Variants in TANC2 observed in about 807,000 individuals in gnomAD.
The protein encoded by TANC2 is tetratricopeptide repeat, ankyrin repeat and coiled-coil containing 2.
TANC2 carries 26 observed loss-of-function variants against 210.5 expected under a neutral mutation model. The observed-to-expected ratio is 0.12, with a 90% confidence interval of 0.09 to 0.17. TANC2 has a LOEUF of 0.17. TANC2 is among the 10% of genes least tolerant of loss of function. The pLI, the probability that TANC2 is intolerant of heterozygous loss-of-function variation, is 1.00. For synonymous variants in TANC2, 931 were observed against 967.1 expected (o/e 0.96, Z 0.69); for missense variants, 2,129 against 2,608.9 (o/e 0.82, Z 4.01).
At chr17:63,119,110 A>G (rs915385445) in intron 4 of TANC2, among the ~76,000 whole-genome samples, 2 of 152,024 alleles carry the variant, frequency 1.3e-5, no homozygotes, top group Non-Finnish European at 2.9e-5. Flanking sequence ...AAACATTTTT[A>G]TAGAGATGAA....
intron 8 of TANC2, among the ~76,000 whole-genome samples, chr17:63,247,154 CTTG>C (rs933447273): frequency 8.5e-5 from 13 of 152,106 alleles, no homozygotes; most frequent in African/African-American, 2.2e-4. Context: ...TTTGTACGAA[CTTG>C]TTGTATATTC....
intron 26 of TANC2, among the ~76,000 whole-genome samples, chr17:63,417,265 C>G (rs976924299): frequency 2.6e-5 from 4 of 152,074 alleles, no homozygotes; most frequent in Admixed American, 2.0e-4. Flanking sequence ...TTTGTTCTGC[C>G]CAAGGCCTTG....
intron 5 of TANC2, among the ~76,000 whole-genome samples, chr17:63,178,323 ACT>A (rs777116332): frequency 1.4e-4 from 21 of 151,412 alleles, no homozygotes; most frequent in Non-Finnish European, 2.4e-4. Context: ...ACAGAGCAAG[ACT>A]CTGTCTCAAA....
At chr17:63,046,991 A>T (rs1229216340) in intron 2 of TANC2, among the ~76,000 whole-genome samples, 1 of 152,118 alleles carries the variant, frequency 6.6e-6, no homozygotes, top group East Asian at 1.9e-4. Context: ...TTTTTAGTCT[A>T]TCAGTAGCTG....
At position 63,421,197 on chromosome 17, in the gene TANC2, T is replaced by G. The variant is rs760725301; in HGVS notation, c.5467T>G (p.Ser1823Ala). ...CTCAAAACTAGATCTGGAGCGCTCC[T>G]CCAGCCAACTAGGTTCCCCTGATGT... Residue 1823 changes from serine to alanine, a missense_variant, in exon 28 of 28, where the codon TCC becomes GCC. Transcript: ENST00000689528. This position sits in a 1 kb window ranked among gnomAD's most constrained non-coding sequence, Gnocchi z 6.9. 6.2e-7 allele frequency: 1 copy of G among 1,613,994 alleles called. No individual in the cohort carries two copies. The highest frequency in any genetic ancestry group is 1.7e-5 in the Admixed American group (1 of 60,030).
chr17:62,991,414 G>A (rs1390896669), intron 1 of TANC2, among the ~76,000 whole-genome samples: 9 of 151,844 alleles, frequency 5.9e-5, no homozygotes, highest in African/African-American at 1.9e-4. Context: ...CAAGACGGGC[G>A]GATCATGAGG....
intron 9 of TANC2, 140 bp from the exon 10 acceptor site, chr17:63,314,248 C>A: frequency 1.2e-6 from 1 of 851,998 alleles, no homozygotes; most frequent in Non-Finnish European, 1.8e-6. Context: ...TCAACATTCG[C>A]AGTTGCATTA....
chr17:63,127,998 G>A (rs982647292), intron 4 of TANC2, among the ~76,000 whole-genome samples: 1 of 152,052 alleles, frequency 6.6e-6, no homozygotes, highest in African/African-American at 2.4e-5. Flanking sequence ...GGTGGCCTGT[G>A]CTTACTTAAT....
chr17:63,001,180 G>C (rs1466133268), intron 1 of TANC2, among the ~76,000 whole-genome samples: 1 of 152,098 alleles, frequency 6.6e-6, no homozygotes, highest in Non-Finnish European at 1.5e-5. Flanking sequence ...ACAACTATGT[G>C]TAAATAATCA....
At chr17:63,143,909 T>G (rs1368106216) in intron 4 of TANC2, among the ~76,000 whole-genome samples, 1 of 152,096 alleles carries the variant, frequency 6.6e-6, no homozygotes, top group African/African-American at 2.4e-5. Context: ...TCCTGGCACT[T>G]TGGGAGGCTG....
intron 9 of TANC2, among the ~76,000 whole-genome samples, chr17:63,288,894 C>G (rs910227958): frequency 6.6e-6 from 1 of 152,062 alleles, no homozygotes; most frequent in Non-Finnish European, 1.5e-5. Flanking sequence ...AACAAATTTC[C>G]TCAATTTTTA....
At chr17:63,388,565 C>T in intron 15 of TANC2, 70 bp from the exon 16 acceptor site, 1 of 1,487,330 alleles carries the variant, frequency 6.7e-7, no homozygotes, top group South Asian at 1.3e-5. Context: ...ACAAAGAGGC[C>T]ACTAATTCAC....
chr17:63,091,050 G>C (rs1291180513), intron 3 of TANC2, among the ~76,000 whole-genome samples: 1 of 151,570 alleles, frequency 6.6e-6, no homozygotes, highest in Non-Finnish European at 1.5e-5. Context: ...CTTGTTGATG[G>C]GGTTGTTTGT....
At chr17:63,272,198 C>A (rs1017102344) in intron 9 of TANC2, among the ~76,000 whole-genome samples, 1 of 152,010 alleles carries the variant, frequency 6.6e-6, no homozygotes, top group African/African-American at 2.4e-5. Flanking sequence ...CCCAGCACCA[C>A]TTATTAAATA....
At chr17:63,262,189 T>C (rs192825258) in intron 8 of TANC2, among the ~76,000 whole-genome samples, 1 of 152,270 alleles carries the variant, frequency 6.6e-6, no homozygotes, top group East Asian at 1.9e-4. Context: ...AAACTGAGAT[T>C]GATTTTTTTT....
At chr17:63,335,791 T>A (rs1335126283) in intron 11 of TANC2, among the ~76,000 whole-genome samples, 1 of 152,146 alleles carries the variant, frequency 6.6e-6, no homozygotes, top group Non-Finnish European at 1.5e-5. Flanking sequence ...GTAATAGTAT[T>A]GCCAATGTTA....
At chr17:63,331,882 G>T (rs376550130) in intron 11 of TANC2, 1 of 214,480 alleles carries the variant, frequency 4.7e-6, no homozygotes, top group Non-Finnish European at 9.0e-6. Context: ...GTGTGTGTGT[G>T]TGTGTGTGTA....
exon 10 of TANC2, chr17:63,314,663 C>G (rs1323407265): frequency 6.2e-7 from 1 of 1,613,204 alleles, no homozygotes; most frequent in African/African-American, 1.3e-5. Context: ...ACATGCCTCC[C>G]CCAAACGTAC....
At chr17:63,310,597 G>A (rs548158549) in intron 9 of TANC2, among the ~76,000 whole-genome samples, 33 of 152,208 alleles carry the variant, frequency 2.2e-4, no homozygotes, top group African/African-American at 7.2e-4. Context: ...TAAGACAAAC[G>A]CAGGCATTCC....
Sources: allele counts gnomAD v4.1 joint callset (sites outside exome capture counted in the v4.1 genomes callset), GRCh38; gene constraint gnomAD v4.1.1; non-coding constraint Gnocchi (gnomAD v3.1); transcripts MANE v1.5; gene names NCBI Gene and HGNC (gene_info 2026-07-23, HGNC 2026-07-21).